Variants in MMS19 observed in about 807,000 individuals in gnomAD.
MMS19 encodes the protein MMS19 cytosolic iron-sulfur assembly component.
Under a neutral mutation model 129.8 loss-of-function variants are expected in MMS19, and 77 were observed. The ratio of observed to expected loss-of-function variants is 0.59; its 90% CI spans 0.49 to 0.72. MMS19 has a LOEUF of 0.72. MMS19 is among the 30% of genes least tolerant of loss of function. The pLI, the probability that MMS19 is intolerant of heterozygous loss-of-function variation, is 0.00. For synonymous variants in MMS19, 491 were observed against 502.8 expected, an observed-to-expected ratio of 0.98 and a Z score of 0.31; for missense variants, 1,168 against 1,266.3, an observed-to-expected ratio of 0.92 and a Z score of 1.18.
rs2034290265 is a variant in MMS19, at chr10:97,469,737, CGCT to C, written c.847-17_847-15del. ...ACAGCAAGCATTCTGCCAAGGAAAC[CGCT>C]GCTATCAGTTATGTACACACTCAGA... On this transcript the variant is annotated splice_polypyrimidine_tract_variant and intron_variant, in intron 10 of 30. Transcript: ENST00000438925. 1.9e-6 allele frequency: 3 copies of C among 1,612,258 alleles called. No individual in the cohort carries two copies. In the African/African-American group the frequency reaches 4.0e-5, roughly 22 times the overall value.
At position 97,478,520 on chromosome 10, in the gene MMS19, C is replaced by G. The variant is rs975780179; in HGVS notation, c.263-131G>C. 70 of 658,552 alleles carry G rather than the reference C, an allele frequency of 1.1e-4. No individual in the cohort carries two copies. The African/African-American group carries it at 1.2e-3, about 12-fold the overall frequency. The allele number at this position is 658,552 out of a possible 1,614,324, so 40.8% of individuals were successfully genotyped here. A position where few individuals can be genotyped will look rare whatever the true frequency, so the allele number is the denominator to read the frequency against. On this transcript the variant is annotated intron_variant, in intron 3 of 30. Transcript: ENST00000438925. ...ACAAATTTTCTCTTTCACCAAGAGA[C>G]ATGTCCTGTGCCTTCCCATTTGAAG...
intron 16 of MMS19, 69 bp from the exon 17 acceptor site, chr10:97,466,228 T>A (rs1475819872): frequency 3.8e-6 from 5 of 1,316,322 alleles, no homozygotes; most frequent in Non-Finnish European, 5.3e-6. Flanking sequence ...CGTCTGATAT[T>A]AGGCAGATTC....
chr10:97,477,425 T>C lies in MMS19; in HGVS notation c.424-9A>G. 6.2e-7 allele frequency: 1 copy of C among 1,613,282 alleles called. No individual in the cohort carries two copies. Reference sequence around the variant, plus strand: ...TCCACCTGTGGCAGGGACTTGGGGGTGGGGGAGAAAGAAGTGAAGAAAATG... The same window carrying C: ...TCCACCTGTGGCAGGGACTTGGGGGCGGGGGAGAAAGAAGTGAAGAAAATG... On this transcript the variant is annotated splice_polypyrimidine_tract_variant and intron_variant, in intron 5 of 30. Coordinates refer to ENST00000438925, the MANE Select transcript of MMS19 (RefSeq NM_022362.5).
At position 97,458,577 on chromosome 10, in the gene MMS19, G is replaced by T; in HGVS notation, c.*115C>A. On this transcript the variant is annotated 3_prime_UTR_variant, in exon 31 of 31. Coordinates refer to ENST00000438925, the MANE Select transcript of MMS19 (RefSeq NM_022362.5). ...GCAACAGAGGCCTAGCATTTGTGCTGTGTCTGTGGGAAAGGCAGTCAGAGA... is the reference window on the plus strand; with the variant it reads ...GCAACAGAGGCCTAGCATTTGTGCTTTGTCTGTGGGAAAGGCAGTCAGAGA... 1.0e-6 allele frequency: 1 copy of T among 999,624 alleles called. No individual in the cohort carries two copies. Among genetic ancestry groups the T allele is most frequent in the Non-Finnish European group, 1.5e-6 (1 of 679,254 alleles). 61.9% of individuals were successfully genotyped at this position (999,624 alleles called of 1,614,324 possible).
intron 2 of MMS19, 61 bp downstream of exon 2, chr10:97,484,042 G>T: frequency 1.7e-6 from 2 of 1,177,360 alleles, no homozygotes; most frequent in Non-Finnish European, 2.4e-6. Context: ...ATGCGCAAAA[G>T]TAACTTTTCA....
intron 28 of MMS19, 39 bp from the exon 29 acceptor site, chr10:97,459,321 G>A: frequency 6.2e-7 from 1 of 1,612,024 alleles, no homozygotes; most frequent in South Asian, 1.1e-5. Context: ...CATGCCCAGG[G>A]AGAGATGCTG....
chr10:97,459,608 G>A (rs2031096162), intron 27 of MMS19, 51 bp downstream of exon 27: 11 of 1,599,152 alleles, frequency 6.9e-6, no homozygotes, highest in Middle Eastern at 3.3e-4. Context: ...AGCCCCATCT[G>A]GGGAAGAATA....
At chr10:97,469,238 C>T (rs770599482) in intron 11 of MMS19, 134 bp from the exon 12 acceptor site, 13 of 1,097,776 alleles carry the variant, frequency 1.2e-5, no homozygotes, top group Non-Finnish European at 1.7e-5. Flanking sequence ...AACACCCCAA[C>T]TGAGTGTCTT....
chr10:97,459,116 T>C (rs2030827097), intron 29 of MMS19, 107 bp downstream of exon 29: 1 of 1,125,928 alleles, frequency 8.9e-7, no homozygotes, highest in Non-Finnish European at 1.3e-6. Flanking sequence ...GTAATTCAGA[T>C]CTCAATTACA....
At position 97,460,065 on chromosome 10, in the gene MMS19, G is replaced by A; in HGVS notation, c.2637C>T (p.Gly879=). The change falls in exon 26 of 31, where the codon GGC becomes GGT. Residue 879 remains glycine, a synonymous_variant. Coordinates refer to ENST00000438925, the MANE Select transcript of MMS19 (RefSeq NM_022362.5). ...CCTCACCTTGGGGAGCAGCATGGAA[G>A]CCCTGGACCAAAGCAGGCACATTAT... ...FTDNVPALVQ[G]FHAAPQDVKP... is the part of the protein sequence containing the mutation. The A allele has an allele frequency of 6.2e-7, 1 of 1,613,994 alleles. No homozygotes were observed. The highest frequency in any genetic ancestry group is 1.1e-5 in the South Asian group (1 of 91,086).
At chr10:97,498,246 G>A in intron 1 of MMS19, 27 bp downstream of exon 1, 1 of 1,532,058 alleles carries the variant, frequency 6.5e-7, no homozygotes, top group Non-Finnish European at 8.7e-7. Flanking sequence ...CCCCCATGCG[G>A]AAGGCGCGCG....
intron 3 of MMS19, among the ~76,000 whole-genome samples, chr10:97,479,013 A>C (rs949970911): frequency 6.6e-6 from 1 of 152,182 alleles, no homozygotes; most frequent in African/African-American, 2.4e-5. Context: ...CAGAGGTTTA[A>C]GGCCACCCTG....
chr10:97,483,532 C>T (rs1418681139), intron 2 of MMS19, among the ~76,000 whole-genome samples: 1 of 152,212 alleles, frequency 6.6e-6, no homozygotes, highest in African/African-American at 2.4e-5. Context: ...ACTAATAAGA[C>T]TTGTCAATTT....
intron 8 of MMS19, among the ~76,000 whole-genome samples, chr10:97,473,256 G>A (rs932357056): frequency 9.9e-5 from 15 of 151,958 alleles, no homozygotes; most frequent in South Asian, 6.2e-4. Flanking sequence ...GGCTAGTCTC[G>A]AACTCCTGAC....
intron 1 of MMS19, 29 bp downstream of exon 1, chr10:97,498,244 C>A: frequency 4.6e-6 from 7 of 1,529,982 alleles, no homozygotes; most frequent in African/African-American, 1.4e-5. Context: ...GGCCCCCATG[C>A]GGAAGGCGCG....
chr10:97,498,237 C>T (rs2040168548), intron 1 of MMS19, 36 bp downstream of exon 1: 2 of 1,524,030 alleles, frequency 1.3e-6, no homozygotes, highest in Non-Finnish European at 1.7e-6. Context: ...TCCTGTTGGC[C>T]CCCATGCGGA....
chr10:97,477,131 A>G, intron 6 of MMS19, 168 bp from the exon 7 acceptor site: 3 of 1,488,922 alleles, frequency 2.0e-6, no homozygotes, highest in Non-Finnish European at 2.7e-6. Context: ...AACAATATAC[A>G]CATTGCTGTG....
chr10:97,465,865 G>T lies in MMS19; in HGVS notation c.1696C>A (p.Pro566Thr). 6.2e-7 allele frequency: 1 copy of T among 1,613,968 alleles called. No homozygotes were observed. Among genetic ancestry groups the T allele is most frequent in the Non-Finnish European group, 8.5e-7 (1 of 1,179,896 alleles). ...LQALSAVSTH[P>T]SIVKETLPLL... ...GGCAGTGTCTCCTTGACGATGCTGG[G>T]ATGTGTTGATACAGCTGACAAGGCT... Residue 566 changes from proline (P) to threonine (T), a missense_variant, in exon 18 of 31, where the codon CCC (proline) becomes ACC (threonine). This residue lies in a region of MMS19 where 831 missense variants were observed against 910.8 expected (regional missense o/e 0.91). Coordinates refer to ENST00000438925, the MANE Select transcript of MMS19 (RefSeq NM_022362.5).
upstream of MMS19, chr10:97,498,659 G>T: frequency 2.1e-6 from 1 of 474,786 alleles, no homozygotes; most frequent in South Asian, 2.6e-5. Flanking sequence ...GCTGCGGGGC[G>T]GGCACCTGGC....
Sources: allele counts gnomAD v4.1 joint callset (sites outside exome capture counted in the v4.1 genomes callset), GRCh38; gene constraint gnomAD v4.1.1; regional missense constraint gnomAD v4.1.1; transcripts MANE v1.5; gene names NCBI Gene and HGNC (gene_info 2026-07-23, HGNC 2026-07-21).